The following COG4 variants were observed in gnomAD, a reference collection of about 807,000 sequenced individuals.
The protein encoded by COG4 is conserved oligomeric Golgi complex subunit 4.
Under a neutral mutation model 95.1 loss-of-function variants are expected in COG4, and 65 were observed. The ratio of observed to expected loss-of-function variants is 0.68; its 90% CI spans 0.56 to 0.84. The LOEUF (loss-of-function observed/expected upper bound fraction) is 0.84. Ranked by LOEUF, COG4 falls within the 40% of genes least tolerant of loss-of-function variation. COG4 has a pLI of 0.00. For missense variants in COG4, 1,045 were observed against 989.1 expected, an observed-to-expected ratio of 1.06 and a Z score of -0.76; for synonymous variants, 421 against 374.8, an observed-to-expected ratio of 1.12 and a Z score of -1.42.
intron 4 of COG4, among the ~76,000 whole-genome samples, chr16:70,513,424 C>G (rs529615651): frequency 3.9e-4 from 59 of 152,330 alleles, no homozygotes; most frequent in African/African-American, 1.3e-3. Flanking sequence ...GTAGTCTCTT[C>G]TTATCTGTAG....
Position 70,486,624 on chromosome 16 carries a change from C to T in COG4, c.1711-2655G>A, listed in dbSNP as rs558386103. On this transcript the variant is annotated intron_variant, in intron 13 of 18. Coordinates refer to ENST00000323786, the MANE Select transcript of COG4 (RefSeq NM_015386.3). ...GCTCACTTATGAATTTCTAATATTT[C>T]CCCAAATTTTACTTCCAAAACCCAA... Among the ~76,000 whole-genome samples the T allele has an allele frequency of 8.0e-4, 122 of 152,290 alleles. 2 individuals carry two copies. The highest frequency in any genetic ancestry group is 1.3e-3 in the Non-Finnish European group (90 of 68,034).
At chr16:70,501,815 C>A in intron 8 of COG4, among the ~76,000 whole-genome samples, 1 of 144,082 alleles carries the variant, frequency 6.9e-6, no homozygotes, top group Non-Finnish European at 1.5e-5. Flanking sequence ...CCCCACCTGG[C>A]AGATTTTTTT....
At chr16:70,504,424 C>T (rs1041373997) in intron 8 of COG4, among the ~76,000 whole-genome samples, 7 of 151,824 alleles carry the variant, frequency 4.6e-5, no homozygotes, top group Admixed American at 3.9e-4. Flanking sequence ...CTAGACAACA[C>T]GGTGAAACCC....
Position 70,497,405 on chromosome 16 carries a change from C to G in COG4, c.1315-18G>C. 3 of 1,611,110 alleles carry G rather than the reference C, an allele frequency of 1.9e-6. No individual in the cohort carries two copies. The highest frequency in any genetic ancestry group is 2.5e-6 in the Non-Finnish European group (3 of 1,179,850). The stretch of plus-strand genomic sequence containing the variant: ...GCCACAGCCTACCCAAAAGGCAAAG[C>G]CAACACTGAGGGTCCCAGTTGTGCA... On this transcript the variant is annotated intron_variant, in intron 10 of 18. Transcript: ENST00000323786.
Position 70,497,471 on chromosome 16 carries a change from C to G in COG4, c.1315-84G>C, listed in dbSNP as rs553196270. Reference sequence around the variant, plus strand: ...GATTCTGGGTACACTGGCCCTAGCTCTGCTCCCTTTTCTGTACCTTGTCCA... The same window carrying G: ...GATTCTGGGTACACTGGCCCTAGCTGTGCTCCCTTTTCTGTACCTTGTCCA... On this transcript the variant is annotated intron_variant, in intron 10 of 18. Coordinates refer to ENST00000323786, the MANE Select transcript of COG4 (RefSeq NM_015386.3). 2.2e-4 allele frequency: 284 copies of G among 1,311,764 alleles called. 1 individual carries two copies. The African/African-American group carries it at 3.4e-3, about 16-fold the overall frequency. 81.3% of individuals were successfully genotyped at this position (1,311,764 alleles called of 1,614,324 possible).
intron 13 of COG4, among the ~76,000 whole-genome samples, chr16:70,486,175 G>C (rs528995594): frequency 1.1e-4 from 16 of 152,322 alleles, no homozygotes; most frequent in South Asian, 8.3e-4. Flanking sequence ...GATTACAGGC[G>C]TGAGCCACCG....
intron 9 of COG4, among the ~76,000 whole-genome samples, chr16:70,499,966 T>A (rs971253487): frequency 8.6e-5 from 13 of 152,030 alleles, no homozygotes; most frequent in African/African-American, 3.1e-4. Context: ...GACCTAAAAA[T>A]TTTTTTAAAT....
intron 13 of COG4, among the ~76,000 whole-genome samples, chr16:70,484,192 A>G (rs2049080278): frequency 6.6e-6 from 1 of 152,226 alleles, no homozygotes; most frequent in South Asian, 2.1e-4. Context: ...AAACAGAAAT[A>G]CCAGAAAGTT....
rs190197131 is a variant in COG4 at position 70,492,430 on chromosome 16, G to A, written c.1648-2038C>T. On this transcript the variant is annotated intron_variant, in intron 12 of 18. Transcript: ENST00000323786. ...TCACAGCAGTTTGGGAGGCCGATGC[G>A]GGCAGATCACCTGAGGTTGGGAGTT... is the stretch of plus-strand genomic sequence containing the variant. Among the ~76,000 whole-genome samples, 376 of 152,104 alleles carry A rather than the reference G, an allele frequency of 2.5e-3. 2 individuals are homozygous for A. Among genetic ancestry groups the A allele is most frequent in the African/African-American group, 8.1e-3 (338 of 41,504 alleles).
At chr16:70,510,485 G>C (rs2049678284) in intron 5 of COG4, among the ~76,000 whole-genome samples, 1 of 152,110 alleles carries the variant, frequency 6.6e-6, no homozygotes, top group African/African-American at 2.4e-5. Flanking sequence ...ACCATGCCCG[G>C]CTAATTTTTT....
intron 13 of COG4, 22 bp downstream of exon 13, chr16:70,490,308 T>C (rs766093762): frequency 5.0e-6 from 8 of 1,601,186 alleles, no homozygotes; most frequent in Non-Finnish European, 5.1e-6. Context: ...TGCTGACCAC[T>C]GATAGGCAAT....
intron 3 of COG4, among the ~76,000 whole-genome samples, chr16:70,517,148 T>C (rs1228376884): frequency 6.6e-6 from 1 of 152,080 alleles, no homozygotes; most frequent in Non-Finnish European, 1.5e-5. Context: ...ATCCTCCTGT[T>C]CTGGCCTCCT....
intron 13 of COG4, 60 bp downstream of exon 13, chr16:70,490,270 G>T: frequency 7.6e-7 from 1 of 1,317,466 alleles, no homozygotes; most frequent in Non-Finnish European, 1.1e-6. Context: ...TTTGTATAGG[G>T]CTCTATCTCA....
chr16:70,509,060 C>G, intron 7 of COG4, 171 bp downstream of exon 7: 1 of 796,264 alleles, frequency 1.3e-6, no homozygotes, highest in Non-Finnish European at 2.1e-6. Flanking sequence ...GACAACACCT[C>G]AAGTCCAAAG....
intron 12 of COG4, among the ~76,000 whole-genome samples, chr16:70,494,946 G>T (rs2049309460): frequency 6.6e-6 from 1 of 152,160 alleles, no homozygotes; most frequent in African/African-American, 2.4e-5. Context: ...CAGGAAGAGA[G>T]TGGGGCTGCC....
intron 9 of COG4, 39 bp downstream of exon 9, chr16:70,500,919 T>C (rs2049435671): frequency 5.0e-6 from 8 of 1,612,924 alleles, no homozygotes; most frequent in Non-Finnish European, 6.8e-6. Flanking sequence ...CTGCCAATTA[T>C]ACCTCAACCC....
At chr16:70,516,127 A>G (rs2049817708) in intron 3 of COG4, 1 of 450,940 alleles carries the variant, frequency 2.2e-6, no homozygotes, top group Non-Finnish European at 4.5e-6. Context: ...TTTTCTATTA[A>G]TATGGTGTAT....
At chr16:70,485,676 C>T (rs1188141488) in intron 13 of COG4, among the ~76,000 whole-genome samples, 3 of 150,128 alleles carry the variant, frequency 2.0e-5, no homozygotes, top group Non-Finnish European at 4.4e-5. Context: ...ACCTCTGTCT[C>T]CCGGGTTCAA....
intron 14 of COG4, 54 bp from the exon 15 acceptor site, chr16:70,482,875 C>A: frequency 7.4e-7 from 1 of 1,355,128 alleles, no homozygotes; most frequent in South Asian, 1.2e-5. Flanking sequence ...CTCATCCCTT[C>A]CCTCTCTCTT....
Sources: allele counts gnomAD v4.1 joint callset (sites outside exome capture counted in the v4.1 genomes callset), GRCh38; gene constraint gnomAD v4.1.1; transcripts MANE v1.5; gene names NCBI Gene and HGNC (gene_info 2026-07-23, HGNC 2026-07-21).